Variants in TSHR observed in about 807,000 individuals in gnomAD.
The protein encoded by TSHR is thyroid stimulating hormone receptor, also known as thyrotropin receptor.
A neutral mutation model predicts 64.1 loss-of-function variants in TSHR; 51 were observed. The ratio of observed to expected loss-of-function variants is 0.80; its 90% CI spans 0.64 to 1.01. TSHR has a LOEUF of 1.01. Ranked by LOEUF, TSHR falls within the 50% of genes least tolerant of loss-of-function variation. TSHR has a pLI of 0.00. For missense variants in TSHR, 877 were observed against 942.8 expected (o/e 0.93, Z 0.91); for synonymous variants, 361 against 361.9 (o/e 1.00, Z 0.03).
At chr14:81,083,624 C>T (rs143867564) in intron 3 of TSHR, among the ~76,000 whole-genome samples, 7 of 152,242 alleles carry the variant, frequency 4.6e-5, no homozygotes, top group Middle Eastern at 3.4e-3. Flanking sequence ...CTGCATCACA[C>T]GAGTCAGTTA....
At chr14:80,999,393 G>T (rs902787471) in intron 1 of TSHR, among the ~76,000 whole-genome samples, 1 of 152,086 alleles carries the variant, frequency 6.6e-6, no homozygotes, top group African/African-American at 2.4e-5. Flanking sequence ...AAACATTCCA[G>T]GTTTTTCCTC....
intron 3 of TSHR, chr14:81,087,370 A>G (rs576890370): frequency 6.3e-6 from 1 of 157,946 alleles, no homozygotes; most frequent in East Asian, 1.9e-4. Context: ...AAACCTAAGT[A>G]TGTAAGTTAC....
At chr14:80,972,648 A>C (rs1887640238) in intron 1 of TSHR, among the ~76,000 whole-genome samples, 1 of 152,202 alleles carries the variant, frequency 6.6e-6, no homozygotes, top group African/African-American at 2.4e-5. Flanking sequence ...TTCAAGTATA[A>C]CTACCATTCA....
chr14:80,973,429 A>AAAAAAAAAAAAAAAAAAAAAAAAAAC (rs1566743346), intron 1 of TSHR, among the ~76,000 whole-genome samples: 1 of 146,236 alleles, frequency 6.8e-6, no homozygotes, highest in Non-Finnish European at 1.5e-5. Context: ...AAAAAAAAAA[A>AAAAAAAAAAAAAAAAAAAAAAAAAAC]TCTGTGTACT....
At chr14:81,034,401 A>C (rs1421788207) in intron 1 of TSHR, among the ~76,000 whole-genome samples, 1 of 152,228 alleles carries the variant, frequency 6.6e-6, no homozygotes, top group Non-Finnish European at 1.5e-5. Context: ...CTGGAGCAGA[A>C]GGATCGCTTG....
At chr14:81,004,801 A>G (rs1889510291) in intron 1 of TSHR, among the ~76,000 whole-genome samples, 1 of 152,210 alleles carries the variant, frequency 6.6e-6, no homozygotes, top group South Asian at 2.1e-4. Flanking sequence ...AGTCATATTC[A>G]TGGTTTATTT....
chr14:81,120,050 G>A (rs1890722820), intron 8 of TSHR, among the ~76,000 whole-genome samples: 1 of 107,172 alleles, frequency 9.3e-6, no homozygotes, highest in Non-Finnish European at 1.9e-5. Flanking sequence ...GAGGGGGGAG[G>A]GATAGCATTG....
chr14:80,982,260 G>A, intron 1 of TSHR: 1 of 712,602 alleles, frequency 1.4e-6, no homozygotes, highest in Non-Finnish European at 2.3e-6. Flanking sequence ...TCAGTCCCGA[G>A]GCTGGGAATG....
intron 1 of TSHR, among the ~76,000 whole-genome samples, chr14:80,960,921 A>C (rs1466045059): frequency 6.6e-6 from 1 of 152,198 alleles, no homozygotes; most frequent in Non-Finnish European, 1.5e-5. Context: ...TAGCTGCCAG[A>C]CTGTCTATGT....
At chr14:81,005,672 A>C (rs984879555) in intron 1 of TSHR, among the ~76,000 whole-genome samples, 18 of 152,304 alleles carry the variant, frequency 1.2e-4, no homozygotes, top group Admixed American at 1.0e-3. Flanking sequence ...GCTAATTCTA[A>C]TTAGGAAAGC....
At position 81,139,858 on chromosome 14, in the gene TSHR, A is replaced by T. The variant is rs777323212; in HGVS notation, c.872A>T (p.Lys291Ile). ...SHCCAFKNQK[K>I]IRGILESLMC... Reference sequence around the variant, plus strand: ...TGCTGTGCTTTTAAGAATCAGAAGAAAATCAGAGGGTAAGTGGCAGGGACC... The same window carrying T: ...TGCTGTGCTTTTAAGAATCAGAAGATAATCAGAGGGTAAGTGGCAGGGACC... The change falls in exon 9 of 10, where the codon AAA becomes ATA. Residue 291 changes from lysine (K) to isoleucine (I), a missense_variant. Physicochemically the swap from Lys to Ile is moderately radical, Grantham distance 102. Transcript: ENST00000298171. The T allele has an allele frequency of 6.2e-7, 1 of 1,614,226 alleles. No individual in the cohort carries two copies. The highest frequency in any genetic ancestry group is 8.5e-7 in the Non-Finnish European group (1 of 1,180,038).
At chr14:81,112,830 G>C (rs1252692914) in intron 8 of TSHR, among the ~76,000 whole-genome samples, 1 of 152,198 alleles carries the variant, frequency 6.6e-6, no homozygotes, top group Non-Finnish European at 1.5e-5. Flanking sequence ...AGACCCCCAG[G>C]TGAGAATATA....
At chr14:81,066,782 C>G (rs971308635) in intron 2 of TSHR, among the ~76,000 whole-genome samples, 6 of 152,040 alleles carry the variant, frequency 3.9e-5, no homozygotes, top group African/African-American at 1.4e-4. Context: ...ACTTTAAAGC[C>G]CTTCAGGTAG....
At chr14:80,989,750 G>A (rs1276896478) in intron 1 of TSHR, among the ~76,000 whole-genome samples, 2 of 152,092 alleles carry the variant, frequency 1.3e-5, no homozygotes, top group Admixed American at 6.5e-5. Flanking sequence ...TTTAGTTGTG[G>A]AAGACACTTT....
In TSHR at chr14:81,066,930, C is replaced by T. The variant is rs182843632; in HGVS notation, c.243-1324C>T. ...ATTGAATTTGGCTGCATTAGTCATT[C>T]TCATTACAAGATGGAATTTGAGGAA... On this transcript the variant is annotated intron_variant, in intron 2 of 9. Transcript: ENST00000298171. Among the ~76,000 whole-genome samples, 471 of 152,260 alleles carry T rather than the reference C, an allele frequency of 3.1e-3. 5 individuals are homozygous for T. The highest frequency in any genetic ancestry group is 0.011 in the African/African-American group (461 of 41,542).
chr14:81,102,739 A>T, intron 7 of TSHR: 2 of 956,530 alleles, frequency 2.1e-6, no homozygotes, highest in Non-Finnish European at 2.5e-6. Flanking sequence ...ATTTGACTGG[A>T]GGGTCATAGT....
chr14:80,970,330 G>T (rs933856383), intron 1 of TSHR, among the ~76,000 whole-genome samples: 3 of 152,208 alleles, frequency 2.0e-5, no homozygotes, highest in Admixed American at 1.3e-4. Flanking sequence ...CTTATTTTAT[G>T]TAGTAGAACT....
At chr14:80,988,636 TG>T (rs1478117891) in intron 1 of TSHR, among the ~76,000 whole-genome samples, 1 of 152,242 alleles carries the variant, frequency 6.6e-6, no homozygotes, top group Non-Finnish European at 1.5e-5. Context: ...TAAGGATCCA[TG>T]TAGGCACAAA....
rs575999542 is a variant in TSHR, at chr14:81,129,099, C to T, written c.693-10580C>T. ...ATTATCTTTCCTATACCTTGACCTC[C>T]GAGCTCCACTCCCCCAATAAGCCTG... On this transcript the variant is annotated intron_variant, in intron 8 of 9. Transcript: ENST00000298171. Among the ~76,000 whole-genome samples, 9 of 152,306 alleles carry T rather than the reference C, an allele frequency of 5.9e-5. No individual in the cohort carries two copies. In the South Asian group the frequency reaches 1.5e-3, roughly 25 times the overall value.
Sources: allele counts gnomAD v4.1 joint callset (sites outside exome capture counted in the v4.1 genomes callset), GRCh38; gene constraint gnomAD v4.1.1; transcripts MANE v1.5; gene names NCBI Gene and HGNC (gene_info 2026-07-23, HGNC 2026-07-21).